PDE7B: variants seen among roughly 807,000 people sequenced by gnomAD.
The protein encoded by PDE7B is 3',5'-cyclic-AMP phosphodiesterase 7B.
PDE7B carries 29 observed loss-of-function variants against 56.2 expected under a neutral mutation model. The ratio of observed to expected loss-of-function variants is 0.52; its 90% CI spans 0.38 to 0.70. PDE7B has a LOEUF of 0.70. Among genes scored for constraint, PDE7B ranks in the 30% least tolerant of loss-of-function variants. The pLI, the probability that PDE7B is intolerant of heterozygous loss-of-function variation, is 0.00. For missense variants in PDE7B, 490 were observed against 565.0 expected (o/e 0.87, Z 1.35); for synonymous variants, 197 against 196.9 (o/e 1.00, Z 0.00).
intron 1 of PDE7B, among the ~76,000 whole-genome samples, chr6:135,889,808 A>G (rs1775778619): frequency 3.9e-5 from 5 of 126,878 alleles, no homozygotes; most frequent in Admixed American, 3.4e-4. Context: ...CGGGAGTGCA[A>G]ATGACGCGAT....
At chr6:136,141,944 A>ATC (rs142462261) in intron 3 of PDE7B, among the ~76,000 whole-genome samples, 70,568 of 151,700 alleles carry the variant, frequency 0.47, 17,135 homozygotes, top group African/African-American at 0.62. Context: ...GGTTTTTTGT[A>ATC]TCTGTTTCCT....
intron 2 of PDE7B, among the ~76,000 whole-genome samples, chr6:136,010,258 G>A (rs9389358): frequency 0.34 from 51,554 of 151,886 alleles, 8,950 homozygotes; most frequent in Non-Finnish European, 0.37. Flanking sequence ...TTCTTATTGC[G>A]CTGTGGTCTG....
chr6:136,136,721 T>G (rs1189113268), intron 3 of PDE7B, among the ~76,000 whole-genome samples: 2 of 97,430 alleles, frequency 2.1e-5, no homozygotes, highest in Admixed American at 1.0e-4. Context: ...AAATTAAAAA[T>G]AAAACAATTA....
chr6:135,986,377 G>A (rs1168289387), intron 2 of PDE7B, among the ~76,000 whole-genome samples: 1 of 152,136 alleles, frequency 6.6e-6, no homozygotes, highest in Non-Finnish European at 1.5e-5. Flanking sequence ...TACTAATATT[G>A]TTTATTTAAA....
chr6:136,102,518 C>A (rs905996918), intron 2 of PDE7B, among the ~76,000 whole-genome samples: 1 of 152,192 alleles, frequency 6.6e-6, no homozygotes, highest in Non-Finnish European at 1.5e-5. Context: ...TTACTGAAGG[C>A]AGACCCAGAT....
intron 2 of PDE7B, among the ~76,000 whole-genome samples, chr6:136,033,075 A>G (rs1039190682): frequency 2.0e-5 from 3 of 152,254 alleles, no homozygotes; most frequent in African/African-American, 7.2e-5. Context: ...GACCTTTCAC[A>G]ATCAGAAATA....
chr6:136,098,121 C>G (rs1276294353), intron 2 of PDE7B: 1 of 119,650 alleles, frequency 8.4e-6, no homozygotes, highest in Non-Finnish European at 1.6e-5. Context: ...CAATATAACT[C>G]TCTTTAGTTC....
intron 1 of PDE7B, among the ~76,000 whole-genome samples, chr6:135,895,740 G>A (rs1775890300): frequency 6.6e-6 from 1 of 152,070 alleles, no homozygotes; most frequent in African/African-American, 2.4e-5. Flanking sequence ...GGCTTCTGTT[G>A]TGTAGTACAG....
intron 3 of PDE7B, among the ~76,000 whole-genome samples, chr6:136,131,878 T>C (rs1778124984): frequency 1.3e-5 from 2 of 152,174 alleles, no homozygotes; most frequent in Non-Finnish European, 2.9e-5. Context: ...ACTATTAGCA[T>C]TACAGTATTT....
At chr6:135,984,416 G>A (rs1309608794) in intron 2 of PDE7B, among the ~76,000 whole-genome samples, 2 of 151,958 alleles carry the variant, frequency 1.3e-5, no homozygotes, top group African/African-American at 4.8e-5. Context: ...TCAAAGTATT[G>A]CCATCTAATC....
intron 1 of PDE7B, among the ~76,000 whole-genome samples, chr6:135,852,664 T>C (rs948379209): frequency 6.6e-6 from 1 of 152,336 alleles, no homozygotes; most frequent in East Asian, 1.9e-4. Context: ...ATGCAAGTAC[T>C]AAGTTACATG....
intron 1 of PDE7B, among the ~76,000 whole-genome samples, chr6:135,935,218 T>TATATATA (rs1457746105): frequency 0.022 from 756 of 34,700 alleles, 126 homozygotes; most frequent in African/African-American, 0.03. Context: ...ATATATATAT[T>TATATATA]TTCATGATTC....
At chr6:136,123,626 T>G (rs1229908198) in intron 3 of PDE7B, among the ~76,000 whole-genome samples, 2 of 152,230 alleles carry the variant, frequency 1.3e-5, no homozygotes, top group Admixed American at 1.3e-4. Context: ...GAAAGAATTA[T>G]AGCATAATCA....
chr6:135,968,712 G>A lies in PDE7B; in HGVS notation c.82+21188G>A, dbSNP rs1775040934. The stretch of plus-strand genomic sequence containing the variant: ...GGGAATGTAAATTAGTTCAGCCATT[G>A]AGGAAGACAGTGTGGTGATTCCTCA... On this transcript the variant is annotated intron_variant, in intron 2 of 12. Transcript: ENST00000308191. Among the ~76,000 whole-genome samples the A allele has an allele frequency of 3.9e-5, 6 of 152,202 alleles. No individual in the cohort carries two copies. The South Asian group carries it at 1.2e-3, about 31-fold the overall frequency.
intron 2 of PDE7B, among the ~76,000 whole-genome samples, chr6:136,093,771 G>A (rs1247114587): frequency 6.6e-6 from 1 of 152,156 alleles, no homozygotes; most frequent in South Asian, 2.1e-4. Flanking sequence ...TGGTTTACAG[G>A]GAAAGATAAA....
At chr6:136,030,811 G>C (rs1776235051) in intron 2 of PDE7B, among the ~76,000 whole-genome samples, 1 of 152,206 alleles carries the variant, frequency 6.6e-6, no homozygotes, top group Non-Finnish European at 1.5e-5. Context: ...CAAAATGCTG[G>C]AAAGAAGGAG....
intron 2 of PDE7B, among the ~76,000 whole-genome samples, chr6:136,062,786 T>C (rs1213271637): frequency 6.6e-6 from 1 of 152,070 alleles, no homozygotes; most frequent in Non-Finnish European, 1.5e-5. Flanking sequence ...CTCTCTGGAG[T>C]GAATCTGGAG....
chr6:136,003,529 G>A (rs574064415), intron 2 of PDE7B, among the ~76,000 whole-genome samples: 193 of 152,222 alleles, frequency 1.3e-3, no homozygotes, highest in African/African-American at 4.3e-3. Flanking sequence ...TATCACCACC[G>A]ATCCCACAGA....
At chr6:135,982,913 C>T (rs947475931) in intron 2 of PDE7B, among the ~76,000 whole-genome samples, 1 of 152,158 alleles carries the variant, frequency 6.6e-6, no homozygotes, top group African/African-American at 2.4e-5. Context: ...AGGCTTCTCC[C>T]TTAGACTCTT....
Sources: allele counts gnomAD v4.1 joint callset (sites outside exome capture counted in the v4.1 genomes callset), GRCh38; gene constraint gnomAD v4.1.1; transcripts MANE v1.5; gene names NCBI Gene and HGNC (gene_info 2026-07-23, HGNC 2026-07-21).